Variants in SDK1 observed in about 807,000 individuals in gnomAD.
SDK1 encodes the protein protein sidekick-1.
A neutral mutation model predicts 245.5 loss-of-function variants in SDK1; 157 were observed. That is an observed-to-expected ratio of 0.64 (90% CI 0.56 to 0.73). The LOEUF (loss-of-function observed/expected upper bound fraction) is 0.73. Ranked by LOEUF, SDK1 falls within the 30% of genes least tolerant of loss-of-function variation. The pLI, the probability that SDK1 is intolerant of heterozygous loss-of-function variation, is 0.00. For synonymous variants in SDK1, 1,647 were observed against 1,278.5 expected (o/e 1.29, Z -6.15); for missense variants, 3,583 against 3,002.3 (o/e 1.19, Z -4.52).
At chr7:3,325,271 C>G (rs879835093) in intron 1 of SDK1, among the ~76,000 whole-genome samples, 2 of 152,004 alleles carry the variant, frequency 1.3e-5, no homozygotes, top group Admixed American at 1.3e-4. Flanking sequence ...TTCCTAATTG[C>G]ATGTTTTATA....
intron 5 of SDK1, among the ~76,000 whole-genome samples, chr7:3,910,755 C>G (rs1398607950): frequency 6.6e-6 from 1 of 152,218 alleles, no homozygotes; most frequent in Non-Finnish European, 1.5e-5. Flanking sequence ...AATTCTTGGG[C>G]CTTTCTGCCT....
chr7:3,637,769 G>A (rs535328588), intron 2 of SDK1, among the ~76,000 whole-genome samples: 3 of 152,338 alleles, frequency 2.0e-5, no homozygotes, highest in African/African-American at 7.2e-5. Context: ...TTTAACCTCT[G>A]AAAAAGTTTT....
intron 29 of SDK1, among the ~76,000 whole-genome samples, chr7:4,146,559 G>A (rs1019807128): frequency 6.6e-6 from 1 of 152,252 alleles, no homozygotes; most frequent in African/African-American, 2.4e-5. Context: ...TCAGGTTTAA[G>A]GAAAGCAACA....
chr7:4,125,873 T>G (rs995140000), intron 25 of SDK1, among the ~76,000 whole-genome samples: 1 of 152,136 alleles, frequency 6.6e-6, no homozygotes, highest in Non-Finnish European at 1.5e-5. Flanking sequence ...GGCTTAGCCT[T>G]TCACAAGTGG....
chr7:3,959,340 C>T (rs577282730), intron 8 of SDK1, among the ~76,000 whole-genome samples: 28 of 152,204 alleles, frequency 1.8e-4, no homozygotes, highest in Middle Eastern at 6.8e-3. Context: ...AAGTGTGTGA[C>T]CCCCCGAGAT....
At chr7:3,608,619 T>C (rs935488702) in intron 1 of SDK1, among the ~76,000 whole-genome samples, 5 of 151,574 alleles carry the variant, frequency 3.3e-5, no homozygotes, top group African/African-American at 1.2e-4. Flanking sequence ...TGTGTTAATT[T>C]GTGATATTTT....
intron 1 of SDK1, among the ~76,000 whole-genome samples, chr7:3,603,084 G>A (rs1056774529): frequency 1.1e-4 from 17 of 151,586 alleles, no homozygotes; most frequent in Non-Finnish European, 2.9e-5. Flanking sequence ...GGTTACTGTA[G>A]CCTTGTAGTA....
chr7:3,836,274 A>T (rs145134131), intron 5 of SDK1, among the ~76,000 whole-genome samples: 1 of 152,364 alleles, frequency 6.6e-6, no homozygotes, highest in South Asian at 2.1e-4. Context: ...AAGCCATTCA[A>T]TATGCAATTG....
chr7:3,651,925 G>A (rs368218219), intron 4 of SDK1, among the ~76,000 whole-genome samples: 2 of 152,112 alleles, frequency 1.3e-5, no homozygotes, highest in African/African-American at 2.4e-5. Flanking sequence ...ATCCCAAGTC[G>A]GGGAGACAGG....
At chr7:3,744,262 C>T (rs911320182) in intron 4 of SDK1, among the ~76,000 whole-genome samples, 2 of 152,022 alleles carry the variant, frequency 1.3e-5, no homozygotes, top group African/African-American at 2.4e-5. Context: ...CAATTACTGC[C>T]GAACCCCTTA....
At chr7:3,663,756 C>A (rs919485215) in intron 4 of SDK1, among the ~76,000 whole-genome samples, 3 of 152,078 alleles carry the variant, frequency 2.0e-5, no homozygotes, top group Admixed American at 1.3e-4. Flanking sequence ...TATGTGTTGT[C>A]CCTACCACTG....
intron 17 of SDK1, among the ~76,000 whole-genome samples, chr7:4,033,287 A>G (rs1562702080): frequency 6.6e-6 from 1 of 152,164 alleles, no homozygotes; most frequent in African/African-American, 2.4e-5. Context: ...TCCATTCCCT[A>G]CCCCCATATA....
chr7:3,491,718 T>C (rs1176198885), intron 1 of SDK1, among the ~76,000 whole-genome samples: 1 of 152,224 alleles, frequency 6.6e-6, no homozygotes, highest in Non-Finnish European at 1.5e-5. Flanking sequence ...TTTGCTCTAC[T>C]GAAGGTAACC....
chr7:3,640,802 G>C (rs1240040994), intron 3 of SDK1, among the ~76,000 whole-genome samples: 1 of 151,858 alleles, frequency 6.6e-6, no homozygotes, highest in East Asian at 1.9e-4. Context: ...TCCTGCTTCA[G>C]CCTCCTGAGC....
chr7:3,779,454 T>C (rs537311968), intron 4 of SDK1, among the ~76,000 whole-genome samples: 1 of 151,590 alleles, frequency 6.6e-6, no homozygotes, highest in Non-Finnish European at 1.5e-5. Flanking sequence ...GTAACCTATT[T>C]TTTTTAAAAA....
chr7:3,774,600 C>G (rs746858779), intron 4 of SDK1, among the ~76,000 whole-genome samples: 2 of 152,162 alleles, frequency 1.3e-5, no homozygotes, highest in African/African-American at 2.4e-5. Flanking sequence ...CTCCAGAGTT[C>G]CAAAATAGTT....
chr7:3,988,793 A>G (rs1281224808), intron 14 of SDK1, among the ~76,000 whole-genome samples: 3 of 152,104 alleles, frequency 2.0e-5, no homozygotes, highest in African/African-American at 7.2e-5. Context: ...TTATTTTGAG[A>G]TGGAGTCTTG....
chr7:3,473,319 A>G (rs1781242321), intron 1 of SDK1, among the ~76,000 whole-genome samples: 1 of 152,242 alleles, frequency 6.6e-6, no homozygotes, highest in African/African-American at 2.4e-5. Flanking sequence ...ATCAATTAGA[A>G]GAACAGGTAG....
At chr7:3,891,400 G>A (rs1201610600) in intron 5 of SDK1, among the ~76,000 whole-genome samples, 1 of 152,186 alleles carries the variant, frequency 6.6e-6, no homozygotes, top group African/African-American at 2.4e-5. Flanking sequence ...TCATGGCTGA[G>A]CAGATTTCTT....
Sources: allele counts gnomAD v4.1 joint callset (sites outside exome capture counted in the v4.1 genomes callset), GRCh38; gene constraint gnomAD v4.1.1; transcripts MANE v1.5; gene names NCBI Gene and HGNC (gene_info 2026-07-23, HGNC 2026-07-21).